Variants in MGMT observed in about 807,000 individuals in gnomAD.
MGMT encodes O-6-methylguanine-DNA methyltransferase, also known as methylated-DNA--protein-cysteine methyltransferase.
In MGMT, 14 loss-of-function variants were observed where a neutral mutation model predicts 15.9. The ratio of observed to expected loss-of-function variants is 0.88; its 90% CI spans 0.58 to 1.37. The LOEUF (loss-of-function observed/expected upper bound fraction) is 1.37. MGMT is among the 40% of genes most tolerant of loss of function. The probability of loss-of-function intolerance (pLI) is 0.00; values close to 1 mark genes in which losing one functional copy is unlikely to be tolerated. For missense variants in MGMT, 282 were observed against 268.1 expected (o/e 1.05, Z -0.36); for synonymous variants, 130 against 118.2 (o/e 1.10, Z -0.65).
rs891028736 is a variant in MGMT at position 129,770,220 on chromosome 10, C to T, written c.*3223C>T. Among the ~76,000 whole-genome samples, 4 of 152,302 alleles carry T rather than the reference C, an allele frequency of 2.6e-5. No individual in the cohort carries two copies. Among genetic ancestry groups the T allele is most frequent in the African/African-American group, 4.8e-5 (2 of 41,572 alleles). On this transcript the variant is annotated 3_prime_UTR_variant, in exon 5 of 5. Transcript: ENST00000651593. ...TTTTGTTTCTTACATCGTTTGTAAACAGCAGTATTATCCTGGAACTTGTTT... is the reference window on the plus strand; with the variant it reads ...TTTTGTTTCTTACATCGTTTGTAAATAGCAGTATTATCCTGGAACTTGTTT...
intron 2 of MGMT, among the ~76,000 whole-genome samples, chr10:129,629,412 C>T (rs569524570): frequency 1.5e-4 from 23 of 152,198 alleles, no homozygotes; most frequent in African/African-American, 2.4e-4. Context: ...TTTCATTGTC[C>T]GTGGTAGTAC....
intron 2 of MGMT, among the ~76,000 whole-genome samples, chr10:129,665,255 C>G: frequency 7.2e-6 from 1 of 139,020 alleles, no homozygotes; most frequent in Non-Finnish European, 1.6e-5. Flanking sequence ...TACCCCCACA[C>G]CCGCTCACCC....
intron 3 of MGMT, among the ~76,000 whole-genome samples, chr10:129,751,943 A>G (rs915072876): frequency 6.6e-6 from 1 of 151,956 alleles, no homozygotes; most frequent in African/African-American, 2.4e-5. Flanking sequence ...ATCTTTGTCA[A>G]TGTTTTATGC....
chr10:129,497,115 A>C (rs1019192602), intron 1 of MGMT, among the ~76,000 whole-genome samples: 2 of 152,136 alleles, frequency 1.3e-5, no homozygotes, highest in Non-Finnish European at 2.9e-5. Context: ...TTATAATGTG[A>C]TATAAAGCTG....
At chr10:129,528,065 G>A (rs1339938195) in intron 1 of MGMT, among the ~76,000 whole-genome samples, 1 of 151,426 alleles carries the variant, frequency 6.6e-6, no homozygotes, top group African/African-American at 2.4e-5. Flanking sequence ...TAATCCTGGA[G>A]TTCTCCTTCT....
At chr10:129,521,721 C>T (rs1032600912) in intron 1 of MGMT, among the ~76,000 whole-genome samples, 5 of 152,278 alleles carry the variant, frequency 3.3e-5, no homozygotes, top group Middle Eastern at 3.4e-3. Flanking sequence ...CCCACAGTGT[C>T]GGCTCAAGAA....
chr10:129,657,703 A>ACATG (rs1847543794), intron 2 of MGMT, among the ~76,000 whole-genome samples: 1 of 124,512 alleles, frequency 8.0e-6, no homozygotes, highest in African/African-American at 3.4e-5. Flanking sequence ...ACACACACAC[A>ACATG]CACGCACACA....
Position 129,544,826 on chromosome 10 carries a change from AC to A in MGMT, c.125+8453del, listed in dbSNP as rs139803465. Among the ~76,000 whole-genome samples, 628 of 152,250 alleles carry A rather than the reference AC, an allele frequency of 4.1e-3. 7 individuals carry two copies. The highest frequency in any genetic ancestry group is 0.015 in the African/African-American group (609 of 41,530). ...TTGTATGGGAAATAAGGTTCAATGA[AC>A]CCCTGTGAGAAACGCCAAGTGTGGG... On this transcript the variant is annotated intron_variant, in intron 2 of 4. Transcript: ENST00000651593.
intron 2 of MGMT, among the ~76,000 whole-genome samples, chr10:129,615,372 A>G (rs1269990569): frequency 6.6e-6 from 1 of 151,686 alleles, no homozygotes; most frequent in Non-Finnish European, 1.5e-5. Flanking sequence ...TTTCCTTCTC[A>G]CTGTGTTTTC....
chr10:129,728,213 G>A (rs550517839), intron 3 of MGMT, among the ~76,000 whole-genome samples: 8 of 152,274 alleles, frequency 5.3e-5, no homozygotes, highest in African/African-American at 1.9e-4. Flanking sequence ...GAAGAAGAAG[G>A]GATTCATTTT....
At chr10:129,644,112 A>G (rs77597511) in intron 2 of MGMT, among the ~76,000 whole-genome samples, 7,509 of 152,230 alleles carry the variant, frequency 0.049, 217 homozygotes, top group Middle Eastern at 0.088. Flanking sequence ...CCTAGCAGAC[A>G]TCATTATATT....
At position 129,759,295 on chromosome 10, in the gene MGMT, A is replaced by C. The variant is rs1487536499; in HGVS notation, c.368A>C (p.Asn123Thr). 1 of 1,614,164 alleles carries C rather than the reference A, an allele frequency of 6.2e-7. No homozygotes were observed. Among genetic ancestry groups the C allele is most frequent in the South Asian group, 1.1e-5 (1 of 91,086 alleles). Residue 123 changes from asparagine to threonine, a missense_variant, in exon 4 of 5, where the codon AAC (asparagine) becomes ACC (threonine). Transcript: ENST00000651593. ...CAGCAATTAGCAGCCCTGGCAGGCA[A>C]CCCCAAAGCCGCGCGAGCAGTGGGA... ...SYQQLAALAG[N>T]PKAARAVGGA...
At chr10:129,578,929 C>T (rs1027092635) in intron 2 of MGMT, among the ~76,000 whole-genome samples, 10 of 150,430 alleles carry the variant, frequency 6.6e-5, no homozygotes, top group Non-Finnish European at 1.3e-4. Context: ...ATTTTATAAA[C>T]TTTAAAGTGC....
At chr10:129,604,170 A>G (rs1401213005) in intron 2 of MGMT, among the ~76,000 whole-genome samples, 2 of 152,142 alleles carry the variant, frequency 1.3e-5, no homozygotes, top group Non-Finnish European at 2.9e-5. Flanking sequence ...TGTTTGCATG[A>G]TTTACCAAAG....
chr10:129,722,089 T>C (rs1388165864), intron 3 of MGMT, among the ~76,000 whole-genome samples: 1 of 152,034 alleles, frequency 6.6e-6, no homozygotes, highest in Non-Finnish European at 1.5e-5. Flanking sequence ...AGGAATACAT[T>C]GACAGAAAGA....
chr10:129,602,313 A>G (rs1846833276), intron 2 of MGMT, among the ~76,000 whole-genome samples: 2 of 152,164 alleles, frequency 1.3e-5, no homozygotes, highest in African/African-American at 2.4e-5. Context: ...CGCTTCCTGA[A>G]ATCTCCAAGC....
At chr10:129,716,367 CAT>C (rs199894665) in intron 3 of MGMT, among the ~76,000 whole-genome samples, 2,552 of 152,284 alleles carry the variant, frequency 0.017, 26 homozygotes, top group Admixed American at 0.033. Flanking sequence ...TGCACAAACA[CAT>C]ATTGTGTAAG....
rs144779852 is a variant in MGMT at position 129,516,883 on chromosome 10, C to T, written c.-12-19358C>T. 2.8e-3 allele frequency among the ~76,000 whole-genome samples: 426 copies of T among 152,266 alleles called. 1 individual carries two copies. The highest frequency in any genetic ancestry group is 9.0e-3 in the African/African-American group (376 of 41,554). ...TGCACTCATAGCAGAAATGGAAATCCGCCATCGGTGAAAGTGGAGACCTTT... is the reference window on the plus strand; with the variant it reads ...TGCACTCATAGCAGAAATGGAAATCTGCCATCGGTGAAAGTGGAGACCTTT... On this transcript the variant is annotated intron_variant, in intron 1 of 4. Coordinates refer to ENST00000651593, the MANE Select transcript of MGMT (RefSeq NM_002412.5).
intron 3 of MGMT, among the ~76,000 whole-genome samples, chr10:129,723,267 C>A (rs574090537): frequency 6.6e-6 from 1 of 152,118 alleles, no homozygotes; most frequent in Non-Finnish European, 1.5e-5. Flanking sequence ...TCATCCCTCA[C>A]CCACTTCCCA....
Sources: gnomAD v4.1 joint callset for allele counts (sites outside exome capture counted in the v4.1 genomes callset) on GRCh38, gnomAD v4.1.1 for gene constraint, MANE v1.5 for transcripts, NCBI Gene and HGNC (gene_info 2026-07-23, HGNC 2026-07-21) for gene names.